The following MYO18B variants were observed in gnomAD, a reference collection of about 807,000 sequenced individuals.
The protein encoded by MYO18B is unconventional myosin-XVIIIb.
A neutral mutation model predicts 273.0 loss-of-function variants in MYO18B; 204 were observed. The observed-to-expected ratio is 0.75, with a 90% CI of 0.67 to 0.84. The LOEUF (loss-of-function observed/expected upper bound fraction) is 0.84. Among genes scored for constraint, MYO18B ranks in the 40% least tolerant of loss-of-function variants. MYO18B has a pLI of 0.00. For synonymous variants in MYO18B, 1,330 were observed against 1,305.7 expected (o/e 1.02, Z -0.40); for missense variants, 3,212 against 3,287.6 (o/e 0.98, Z 0.56).
intron 1 of MYO18B, among the ~76,000 whole-genome samples, chr22:25,747,742 C>T (rs181300266): frequency 9.1e-4 from 138 of 152,300 alleles, no homozygotes; most frequent in Middle Eastern, 3.4e-3. Context: ...TTTAATCTGC[C>T]TGGGACTGAA....
At chr22:25,864,798 TTTC>T (rs2090839869) in intron 21 of MYO18B, among the ~76,000 whole-genome samples, 1 of 152,210 alleles carries the variant, frequency 6.6e-6, no homozygotes, top group Non-Finnish European at 1.5e-5. Context: ...AAAACTGTGT[TTTC>T]TTGGAGAAAA....
intron 39 of MYO18B, among the ~76,000 whole-genome samples, chr22:25,983,093 G>A (rs189145042): frequency 2.6e-4 from 39 of 152,242 alleles, no homozygotes; most frequent in Middle Eastern, 3.4e-3. Context: ...TCTGGTGGCC[G>A]AGCACAGTGG....
chr22:25,903,975 T>G (rs548425375), intron 31 of MYO18B, 144 bp downstream of exon 31: 1 of 870,636 alleles, frequency 1.1e-6, no homozygotes, highest in African/African-American at 1.7e-5. Flanking sequence ...TTTAAGCTCC[T>G]AAGTCTGACA....
chr22:25,966,491 T>A (rs753070605), intron 39 of MYO18B, among the ~76,000 whole-genome samples: 3 of 152,184 alleles, frequency 2.0e-5, no homozygotes, highest in Non-Finnish European at 4.4e-5. Flanking sequence ...TGGAGGGCAT[T>A]TGGGGCCATG....
Position 26,020,817 on chromosome 22 carries a change from C to CG in MYO18B, c.6471-5627dup, listed in dbSNP as rs545837469. 1.8e-3 allele frequency among the ~76,000 whole-genome samples: 279 copies of CG among 152,224 alleles called. 2 individuals carry two copies. Among genetic ancestry groups the CG allele is most frequent in the African/African-American group, 5.8e-3 (241 of 41,544 alleles). ...AAAAGATAACTGGGGGCCCGGGCAC[C>CG]GTGACTCACGCCTGTAATCCCAACA... is the stretch of plus-strand genomic sequence containing the variant. On this transcript the variant is annotated intron_variant, in intron 42 of 43. Transcript: ENST00000335473.
intron 21 of MYO18B, among the ~76,000 whole-genome samples, chr22:25,858,301 G>A (rs113587154): frequency 0.035 from 5,328 of 152,316 alleles, 305 homozygotes; most frequent in African/African-American, 0.12. Context: ...ATAGCAAAGT[G>A]TCTGGTACAT....
intron 1 of MYO18B, among the ~76,000 whole-genome samples, chr22:25,744,099 C>T (rs2085705736): frequency 6.6e-6 from 1 of 152,204 alleles, no homozygotes; most frequent in Admixed American, 6.5e-5. Flanking sequence ...TGTTGCTCAG[C>T]ACCTGCCCTG....
chr22:25,862,023 C>G (rs1048445682), intron 21 of MYO18B, among the ~76,000 whole-genome samples: 7 of 152,148 alleles, frequency 4.6e-5, no homozygotes, highest in Non-Finnish European at 8.8e-5. Flanking sequence ...TGTGTCTGAA[C>G]TGAACATATA....
chr22:25,838,998 G>A (rs995002605), intron 17 of MYO18B, among the ~76,000 whole-genome samples: 1 of 151,782 alleles, frequency 6.6e-6, no homozygotes, highest in Admixed American at 6.6e-5. Flanking sequence ...GCATGTGCCT[G>A]TGTGTATATG....
the MYO18B span, among the ~76,000 whole-genome samples, chr22:26,036,400 A>T: frequency 6.6e-6 from 1 of 152,190 alleles, no homozygotes; most frequent in Non-Finnish European, 1.5e-5. Context: ...GTGCTTGGTG[A>T]TATTCAAACA....
chr22:25,999,906 G>A (rs942216059), intron 40 of MYO18B, among the ~76,000 whole-genome samples: 1 of 152,166 alleles, frequency 6.6e-6, no homozygotes, highest in African/African-American at 2.4e-5. Flanking sequence ...TGCCCGCCTC[G>A]CCTCCCAAAG....
chr22:25,763,298 G>C lies in MYO18B; in HGVS notation c.107G>C (p.Gly36Ala). Reference protein sequence around the residue: ...PPPLFSVIPGGFIKQLVRGTE... With the variant: ...PPPLFSVIPGAFIKQLVRGTE... ...CCTCTTTTCTCTGTCATCCCAGGGG[G>C]CTTCATTAAGCAACTGGTCCGGGGG... Residue 36 changes from glycine to alanine, a missense_variant, in exon 3 of 44, where the codon GGC (glycine) becomes GCC (alanine). Physicochemically the swap from Gly to Ala is moderately conservative, Grantham distance 60. Coordinates refer to ENST00000335473, the MANE Select transcript of MYO18B (RefSeq NM_032608.7). 2 of 1,613,014 alleles carry C rather than the reference G, an allele frequency of 1.2e-6. No individual in the cohort carries two copies. Among genetic ancestry groups the C allele is most frequent in the South Asian group, 2.2e-5 (2 of 90,994 alleles).
chr22:25,903,620 T>C lies in MYO18B; in HGVS notation c.4948-11T>C. The C allele has an allele frequency of 6.3e-7, 1 of 1,593,152 alleles. No individual in the cohort carries two copies. The highest frequency in any genetic ancestry group is 8.6e-7 in the Non-Finnish European group (1 of 1,169,550). On this transcript the variant is annotated splice_polypyrimidine_tract_variant and intron_variant, in intron 30 of 43. Transcript: ENST00000335473. ...TGTGACTCCAGATCTCTGTCCTCTT[T>C]GTCTCTGTAGCAAAAGGAGCAGGAA...
At chr22:25,895,822 A>AT (rs2091785481) in intron 28 of MYO18B, among the ~76,000 whole-genome samples, 1 of 150,930 alleles carries the variant, frequency 6.6e-6, no homozygotes, top group Non-Finnish European at 1.5e-5. Context: ...CTCATGTTGG[A>AT]TTTTTTTCCT....
At chr22:25,876,523 A>G (rs997793456) in intron 24 of MYO18B, among the ~76,000 whole-genome samples, 191 bp downstream of exon 24, 1 of 152,114 alleles carries the variant, frequency 6.6e-6, no homozygotes, top group African/African-American at 2.4e-5. Context: ...TCCCATGCCC[A>G]GCTCCTCTCT....
chr22:25,833,384 G>C (rs2089783806), intron 16 of MYO18B, among the ~76,000 whole-genome samples: 1 of 152,190 alleles, frequency 6.6e-6, no homozygotes, highest in African/African-American at 2.4e-5. Context: ...GCCCAGCAGA[G>C]ACTGGGGACC....
In MYO18B at chr22:25,908,324, C is replaced by T; in HGVS notation, c.5151C>T (p.Leu1717=). The part of the protein sequence containing the change: ...QENTIKQLEQ[L]RQRFELEIER... Reference sequence around the variant, plus strand: ...TGCTGTCCTTGCTGCCCCCGCAGCTCCGCCAGCGGTTTGAGCTGGAGATCG... The same window carrying T: ...TGCTGTCCTTGCTGCCCCCGCAGCTTCGCCAGCGGTTTGAGCTGGAGATCG... Residue 1717 remains leucine (L), a splice_region_variant and synonymous_variant, in exon 32 of 44, where the codon CTC becomes CTT. Coordinates refer to ENST00000335473, the MANE Select transcript of MYO18B (RefSeq NM_032608.7). 4 of 1,577,082 alleles carry T rather than the reference C, an allele frequency of 2.5e-6. No individual in the cohort carries two copies. The highest frequency in any genetic ancestry group is 3.4e-6 in the Non-Finnish European group (4 of 1,161,690).
Position 25,763,342 on chromosome 22 carries a change from G to A in MYO18B, c.151G>A (p.Glu51Lys). 1 of 1,612,774 alleles carries A rather than the reference G, an allele frequency of 6.2e-7. No individual in the cohort carries two copies. ...CCGGGGGACTGAAAAAGAGGCCAAG[G>A]AAGCGAGACAGAGGAAGCAGTTAGC... is the stretch of plus-strand genomic sequence containing the variant. ...LVRGTEKEAK[E>K]ARQRKQLAVA... The change falls in exon 3 of 44, where the codon GAA becomes AAA. Residue 51 changes from glutamate (E) to lysine (K), a missense_variant. Coordinates refer to ENST00000335473, the MANE Select transcript of MYO18B (RefSeq NM_032608.7).
intron 1 of MYO18B, among the ~76,000 whole-genome samples, chr22:25,753,822 G>T (rs2086023080): frequency 6.6e-6 from 1 of 152,170 alleles, no homozygotes; most frequent in Non-Finnish European, 1.5e-5. Flanking sequence ...AAGTCAGAAG[G>T]AACAAACTCT....
Sources: gnomAD v4.1 joint callset for allele counts (sites outside exome capture counted in the v4.1 genomes callset) on GRCh38, gnomAD v4.1.1 for gene constraint, MANE v1.5 for transcripts, NCBI Gene and HGNC (gene_info 2026-07-23, HGNC 2026-07-21) for gene names.